Variants in LPIN1 observed in about 807,000 individuals in gnomAD.
The protein encoded by LPIN1 is phosphatidate phosphatase LPIN1.
LPIN1 carries 71 observed loss-of-function variants against 107.5 expected under a neutral mutation model. The ratio of observed to expected loss-of-function variants is 0.66; its 90% CI spans 0.55 to 0.80. LPIN1 has a LOEUF of 0.80. Among genes scored for constraint, LPIN1 ranks in the 30% least tolerant of loss-of-function variants. The probability of loss-of-function intolerance (pLI) is 0.00; values close to 1 mark genes in which losing one functional copy is unlikely to be tolerated. For missense variants in LPIN1, 1,043 were observed against 1,160.6 expected (o/e 0.90, Z 1.47); for synonymous variants, 445 against 452.6 (o/e 0.98, Z 0.21).
chr2:11,751,474 G>A (rs1405334601), intron 1 of LPIN1, among the ~76,000 whole-genome samples: 1 of 152,196 alleles, frequency 6.6e-6, no homozygotes, highest in Non-Finnish European at 1.5e-5. Flanking sequence ...GGTCCCCAGG[G>A]GTGAATCTTG....
chr2:11,805,276 C>T, intron 17 of LPIN1, 120 bp downstream of exon 17: 1 of 792,506 alleles, frequency 1.3e-6, no homozygotes, highest in Non-Finnish European at 2.2e-6. Context: ...GCACCTCAAC[C>T]AGGGAGGGGC....
Position 11,771,742 on chromosome 2 carries a change from T to A in LPIN1, c.596+63T>A, listed in dbSNP as rs1055068313. 1 of 1,449,870 alleles carries A rather than the reference T, an allele frequency of 6.9e-7. No homozygotes were observed. The highest frequency in any genetic ancestry group is 9.4e-7 in the Non-Finnish European group (1 of 1,062,762). The allele number at this position is 1,449,870 out of a possible 1,614,324, so 89.8% of individuals were successfully genotyped here. ...CAGACAGTTAACTGTTCAAGATTATTTTTATGAACTTTTCCCCCATAATTC... is the reference window on the plus strand; with the variant it reads ...CAGACAGTTAACTGTTCAAGATTATATTTATGAACTTTTCCCCCATAATTC... On this transcript the variant is annotated intron_variant, in intron 4 of 20. Coordinates refer to ENST00000674199, the MANE Select transcript of LPIN1 (RefSeq NM_001349206.2). The surrounding 1 kb of genome is among the most constrained non-coding windows in gnomAD (Gnocchi z 4.8).
At chr2:11,782,100 C>A (rs1673661481) in intron 7 of LPIN1, 101 bp from the exon 8 acceptor site, 4 of 903,766 alleles carry the variant, frequency 4.4e-6, no homozygotes, top group South Asian at 4.1e-5. Flanking sequence ...AAAGTCCCTG[C>A]CTACTTTTGA....
At chr2:11,814,172 G>A (rs1417494370) in intron 17 of LPIN1, among the ~76,000 whole-genome samples, 5 of 152,086 alleles carry the variant, frequency 3.3e-5, no homozygotes, top group Admixed American at 2.0e-4. Flanking sequence ...TGCTGAGGAG[G>A]AGAACACCCG....
intron 1 of LPIN1, among the ~76,000 whole-genome samples, chr2:11,679,100 C>T (rs1211956948): frequency 6.6e-6 from 1 of 152,236 alleles, no homozygotes; most frequent in Non-Finnish European, 1.5e-5. Flanking sequence ...CCCCGCAGGA[C>T]TGACTCTCTC....
intron 17 of LPIN1, among the ~76,000 whole-genome samples, chr2:11,807,343 G>A (rs1678882274): frequency 6.6e-6 from 1 of 152,180 alleles, no homozygotes; most frequent in South Asian, 2.1e-4. Flanking sequence ...ATCTACTCAT[G>A]AGGTGCCTTG....
At chr2:11,725,940 C>T (rs547538571) in intron 1 of LPIN1, among the ~76,000 whole-genome samples, 2 of 152,272 alleles carry the variant, frequency 1.3e-5, no homozygotes, top group Admixed American at 6.5e-5. Context: ...TCTCAAAGGG[C>T]GGGATCAGGA....
chr2:11,726,805 C>G (rs1409707464), intron 1 of LPIN1, among the ~76,000 whole-genome samples: 1 of 152,226 alleles, frequency 6.6e-6, no homozygotes, highest in Non-Finnish European at 1.5e-5. Context: ...CCTCTGCAGT[C>G]TCCTCCAAGC....
In LPIN1 at chr2:11,813,500, C is replaced by T. The variant is rs114956365; in HGVS notation, c.2250-1588C>T. ...TGCACAGCGGCCGGGCAGAGGTGCT[C>T]CTCACTTTCCAGACAGGGCGGCGCA... is the stretch of plus-strand genomic sequence containing the variant. On this transcript the variant is annotated intron_variant, in intron 17 of 20. Coordinates refer to ENST00000674199, the MANE Select transcript of LPIN1 (RefSeq NM_001349206.2). Among the ~76,000 whole-genome samples the T allele has an allele frequency of 3.8e-3, 583 of 152,120 alleles. 6 individuals carry two copies. The highest frequency in any genetic ancestry group is 0.013 in the African/African-American group (539 of 41,516).
chr2:11,796,263 C>T (rs940189473), intron 14 of LPIN1, among the ~76,000 whole-genome samples: 1 of 152,200 alleles, frequency 6.6e-6, no homozygotes, highest in Admixed American at 6.5e-5. Context: ...GCCACTGCCC[C>T]ACAGAGTAGT....
chr2:11,824,770 C>T lies in LPIN1; in HGVS notation c.2760C>T (p.Asp920=). ...CACTGCCACCTTTTGAAAACCAGGA[C>T]ATTCATTCTGCCTCAGCGTAAAATG... ...REPLPPFENQ[D]IHSASA The change falls in exon 21 of 21, where the codon GAC becomes GAT. Residue 920 remains aspartate (D), a synonymous_variant. Coordinates refer to ENST00000674199, the MANE Select transcript of LPIN1 (RefSeq NM_001349206.2). 2 of 1,614,220 alleles carry T rather than the reference C, an allele frequency of 1.2e-6. No homozygotes were observed. The highest frequency in any genetic ancestry group is 1.7e-6 in the Non-Finnish European group (2 of 1,180,042).
At chr2:11,757,113 G>T (rs1668800439) in intron 1 of LPIN1, among the ~76,000 whole-genome samples, 1 of 152,200 alleles carries the variant, frequency 6.6e-6, no homozygotes, top group African/African-American at 2.4e-5. Context: ...AGGTGAAGCT[G>T]CTATTTCTTG....
chr2:11,721,263 CGTGTGTGTGTGTGTGTGTGTGT>C (rs5829326), upstream of LPIN1, among the ~76,000 whole-genome samples: 1 of 129,808 alleles, frequency 7.7e-6, no homozygotes, highest in Non-Finnish European at 1.6e-5. Flanking sequence ...GTACTGCATG[CGTGTGTGTGTGTGTGTGTGTGT>C]GTGTGTGTGT....
In LPIN1 at chr2:11,785,046, G is replaced by A. The variant is rs1363612986; in HGVS notation, c.1519G>A (p.Gly507Ser). The A allele has an allele frequency of 6.5e-7, 1 of 1,547,386 alleles. No individual in the cohort carries two copies. Among genetic ancestry groups the A allele is most frequent in the South Asian group, 1.2e-5 (1 of 84,362 alleles). Residue 507 changes from glycine (G) to serine (S), a missense_variant, in exon 10 of 21, where the codon GGC becomes AGC. By Grantham distance (56) the Gly-to-Ser change is moderately conservative. Transcript: ENST00000674199. ...TTCCATCGCCATCTCCCTCTGCGGG[G>A]GCCTCAGCGACCACCGGGAGATCAC... is the stretch of plus-strand genomic sequence containing the variant. ...LPSIAISLCG[G>S]LSDHREITKD...
chr2:11,721,263 CGTGTGTGT>C (rs5829326), upstream of LPIN1, among the ~76,000 whole-genome samples: 1,097 of 129,858 alleles, frequency 8.4e-3, 1 homozygote, highest in Middle Eastern at 0.02. Flanking sequence ...GTACTGCATG[CGTGTGTGT>C]GTGTGTGTGT....
rs1431152717 is a variant in LPIN1 at position 11,788,468 on chromosome 2, C to G, written c.1713+12C>G. The G allele has an allele frequency of 6.2e-7, 1 of 1,605,804 alleles. No homozygotes were observed. The highest frequency in any genetic ancestry group is 1.7e-5 in the Admixed American group (1 of 60,012). ...AACCTTTGCCAAAGGTGAGCTTTAA[C>G]ATGAGAAAGAAAAGGGGATGCTAGA... On this transcript the variant is annotated intron_variant, in intron 12 of 20. Transcript: ENST00000674199.
At chr2:11,764,103 TACACAC>T (rs1174224490) in intron 1 of LPIN1, 1 of 121,806 alleles carries the variant, frequency 8.2e-6, no homozygotes, top group African/African-American at 3.4e-5. Context: ...TATATATATA[TACACAC>T]ACACACACAC....
chr2:11,718,461 C>A (rs1663899899), intron 2 of LPIN1, among the ~76,000 whole-genome samples: 1 of 152,140 alleles, frequency 6.6e-6, no homozygotes, highest in Admixed American at 6.5e-5. Context: ...AAACTCCTGA[C>A]CTCAAGTGAT....
intron 1 of LPIN1, among the ~76,000 whole-genome samples, chr2:11,698,707 T>C (rs1029728949): frequency 6.6e-6 from 1 of 152,218 alleles, no homozygotes; most frequent in Non-Finnish European, 1.5e-5. Flanking sequence ...TTGATTAGGG[T>C]CCTTCTCATG....
Sources: gnomAD v4.1 joint callset for allele counts (sites outside exome capture counted in the v4.1 genomes callset) on GRCh38, gnomAD v4.1.1 for gene constraint, Gnocchi (gnomAD v3.1) non-coding constraint, MANE v1.5 for transcripts, NCBI Gene and HGNC (gene_info 2026-07-23, HGNC 2026-07-21) for gene names.